Variants in SCRN3 observed in about 807,000 individuals in gnomAD.
The protein encoded by SCRN3 is secernin 3, also known as secernin-3.
Under a neutral mutation model 43.1 loss-of-function variants are expected in SCRN3, and 39 were observed. The ratio of observed to expected loss-of-function variants is 0.91; its 90% confidence interval spans 0.70 to 1.18. The LOEUF is 1.18. Ranked by LOEUF, SCRN3 falls within the 50% of genes most tolerant of loss-of-function variation. The pLI, the probability that SCRN3 is intolerant of heterozygous loss-of-function variation, is 0.00. For missense variants in SCRN3, 484 were observed against 498.0 expected (o/e 0.97, Z 0.27); for synonymous variants, 147 against 163.1 (o/e 0.90, Z 0.75).
At chr2:174,417,557 C>T (rs1574665365) in intron 5 of SCRN3, among the ~76,000 whole-genome samples, 1 of 152,180 alleles carries the variant, frequency 6.6e-6, no homozygotes, top group East Asian at 1.9e-4. Flanking sequence ...CCAAGCCCAG[C>T]TAATTTTTTG....
Position 174,424,641 on chromosome 2 carries a change from A to G in SCRN3, c.1084A>G (p.Asn362Asp). Residue 362 changes from asparagine (N) to aspartate (D), a missense_variant, in exon 7 of 8, where the codon AAT becomes GAT. By Grantham distance (23) the Asn-to-Asp change is conservative. Coordinates refer to ENST00000272732, the MANE Select transcript of SCRN3 (RefSeq NM_024583.5). ...KHQQALEVVN[N>D]NEEKAKIMLD... ...TCAACAGGCATTGGAAGTAGTAAAT[A>G]ATAATGAGGTATGCTAGATTATATT... is the stretch of plus-strand genomic sequence containing the variant. The G allele has an allele frequency of 6.2e-7, 1 of 1,608,980 alleles. No individual in the cohort carries two copies. Among genetic ancestry groups the G allele is most frequent in the South Asian group, 1.1e-5 (1 of 90,490 alleles).
chr2:174,429,986 C>T (rs2606), downstream of SCRN3, among the ~76,000 whole-genome samples: 9,708 of 152,130 alleles, frequency 0.064, 410 homozygotes, highest in Middle Eastern at 0.16. Flanking sequence ...AAGTAATATT[C>T]GATTGTCTGA....
In SCRN3 at chr2:174,422,873, T is replaced by A. The variant is rs1455965514; in HGVS notation, c.755-12T>A. On this transcript the variant is annotated splice_polypyrimidine_tract_variant and intron_variant, in intron 5 of 7. Coordinates refer to ENST00000272732, the MANE Select transcript of SCRN3 (RefSeq NM_024583.5). ...CATATGTATTTGATGATTTTAAAAA[T>A]TATTTCTCTAGGAAATATAACTTTT... The A allele has an allele frequency of 6.3e-7, 1 of 1,574,986 alleles. No individual in the cohort carries two copies. Among genetic ancestry groups the A allele is most frequent in the Admixed American group, 1.7e-5 (1 of 59,488 alleles).
At chr2:174,423,109 T>C (rs1421406631) in intron 6 of SCRN3, 62 bp downstream of exon 6, 1 of 1,351,368 alleles carries the variant, frequency 7.4e-7, no homozygotes, top group African/African-American at 1.5e-5. Flanking sequence ...GTCATTAGTA[T>C]GTTAATAATT....
At position 174,406,432 on chromosome 2, in the gene SCRN3, T is replaced by G. The variant is rs574503624; in HGVS notation, c.754+2117T>G. 2.9e-3 allele frequency among the ~76,000 whole-genome samples: 399 copies of G among 136,528 alleles called. 23 individuals are homozygous for G. The highest frequency in any genetic ancestry group is 5.7e-3 in the Non-Finnish European group (339 of 59,502). The allele number at this position is 136,528 out of a possible 152,430, so 89.6% of individuals were successfully genotyped here. A position where few individuals can be genotyped will look rare whatever the true frequency, so the allele number is the denominator to read the frequency against. On this transcript the variant is annotated intron_variant, in intron 5 of 7. Transcript: ENST00000272732. ...GGGACAATTTGACTTCCTCTTTTCCTAATTGAATACCCTTTATTTCCTTCT... is the reference window on the plus strand; with the variant it reads ...GGGACAATTTGACTTCCTCTTTTCCGAATTGAATACCCTTTATTTCCTTCT...
intron 1 of SCRN3, chr2:174,397,539 C>A: frequency 3.5e-6 from 1 of 289,374 alleles, no homozygotes; most frequent in Non-Finnish European, 5.2e-6. Context: ...AAATTTCAGT[C>A]TCATCAGAAT....
Position 174,395,818 on chromosome 2 carries a change from G to T in SCRN3, c.-10+1G>T. 4 of 1,528,738 alleles carry T rather than the reference G, an allele frequency of 2.6e-6. No homozygotes were observed. The highest frequency in any genetic ancestry group is 3.5e-6 in the Non-Finnish European group (4 of 1,135,782). 94.7% of individuals were successfully genotyped at this position (1,528,738 alleles called of 1,614,324 possible). A position where few individuals can be genotyped will look rare whatever the true frequency, so the allele number is the denominator to read the frequency against. ...TCACTTCGGGTAGCTGGGAGGCCAG[G>T]TGAGGGGCGCGCACGGGGGAGGGGC... On this transcript the variant is annotated splice_donor_variant, in intron 1 of 7. Transcript: ENST00000272732. LOFTEE classifies it low-confidence loss of function (5UTR_SPLICE).
intron 6 of SCRN3, 131 bp from the exon 7 acceptor site, chr2:174,424,344 G>A: frequency 3.0e-6 from 2 of 662,786 alleles, no homozygotes; most frequent in Admixed American, 3.0e-5. Context: ...TATAACTAAT[G>A]TGACAGGAAC....
chr2:174,426,341 A>G (rs1388560167), intron 7 of SCRN3, among the ~76,000 whole-genome samples: 1 of 152,210 alleles, frequency 6.6e-6, no homozygotes, highest in African/African-American at 2.4e-5. Context: ...CCATTTATAG[A>G]CAAAATCCAT....
At chr2:174,427,398 C>A (rs1383031486) in intron 7 of SCRN3, among the ~76,000 whole-genome samples, 1 of 152,072 alleles carries the variant, frequency 6.6e-6, no homozygotes, top group African/African-American at 2.4e-5. Flanking sequence ...TTTTCAGCAA[C>A]CTTCCACATA....
intron 5 of SCRN3, among the ~76,000 whole-genome samples, chr2:174,421,106 T>C (rs1240237447): frequency 6.6e-6 from 1 of 152,098 alleles, no homozygotes; most frequent in East Asian, 1.9e-4. Context: ...GGAACAAATA[T>C]AAAGCTGACA....
chr2:174,408,688 T>G (rs1685786289), intron 5 of SCRN3, among the ~76,000 whole-genome samples: 1 of 141,146 alleles, frequency 7.1e-6, no homozygotes, highest in Non-Finnish European at 1.6e-5. Context: ...TGCTTGTCTG[T>G]AAAGTATTTT....
rs981209161 is a variant in SCRN3 at position 174,428,555 on chromosome 2, G to T, written c.*660G>T. ...ATGTTAATAAGATATATTTTTAGAA[G>T]AGCTTGTTTGGGAGATTAGAGAATA... On this transcript the variant is annotated 3_prime_UTR_variant, in exon 8 of 8. Coordinates refer to ENST00000272732, the MANE Select transcript of SCRN3 (RefSeq NM_024583.5). 3 of 152,312 alleles carry T rather than the reference G, an allele frequency of 2.0e-5. No homozygotes were observed. The highest frequency in any genetic ancestry group is 1.3e-4 in the Admixed American group (2 of 15,274). The allele number at this position is 152,312 out of a possible 1,614,324, so 9.4% of individuals were successfully genotyped here. A position where few individuals can be genotyped will look rare whatever the true frequency, so the allele number is the denominator to read the frequency against.
intron 2 of SCRN3, among the ~76,000 whole-genome samples, chr2:174,398,992 G>A (rs1685417282): frequency 6.6e-6 from 1 of 151,958 alleles, no homozygotes; most frequent in Non-Finnish European, 1.5e-5. Flanking sequence ...CATCAAAAAA[G>A]GTTTATTAGG....
intron 6 of SCRN3, among the ~76,000 whole-genome samples, chr2:174,423,777 CTTTT>C (rs67646903): frequency 1.6e-3 from 154 of 95,828 alleles, no homozygotes; most frequent in Non-Finnish European, 2.3e-3. Context: ...CCAAGTCTTC[CTTTT>C]TTTTTTTTTT....
rs1026394898 is a variant in SCRN3 at position 174,429,015 on chromosome 2, A to G, written c.*1120A>G. On this transcript the variant is annotated 3_prime_UTR_variant, in exon 8 of 8. Coordinates refer to ENST00000272732, the MANE Select transcript of SCRN3 (RefSeq NM_024583.5). The stretch of plus-strand genomic sequence containing the variant: ...GGGTCATTATATTCAAAGAGTGCTC[A>G]GGAAGTTATGTGTTCAAAGTTCTCT... The G allele has an allele frequency of 3.3e-5, 5 of 152,242 alleles. No homozygotes were observed. The allele number at this position is 152,242 out of a possible 1,614,324, so 9.4% of individuals were successfully genotyped here.
Position 174,422,981 on chromosome 2 carries a change from C to T in SCRN3, c.851C>T (p.Ser284Phe). Residue 284 changes from serine (S) to phenylalanine (F), a missense_variant, in exon 6 of 8, where the codon TCT becomes TTT. Coordinates refer to ENST00000272732, the MANE Select transcript of SCRN3 (RefSeq NM_024583.5). ...GEFLTTASMV[S>F]ILPQDSSLPC... is the part of the protein sequence containing the mutation. ...TTCCTGACCACTGCAAGCATGGTTT[C>T]TATTTTACCTCAAGACTCCAGCCTT... 1 of 1,613,864 alleles carries T rather than the reference C, an allele frequency of 6.2e-7. No individual in the cohort carries two copies. The highest frequency in any genetic ancestry group is 1.1e-5 in the South Asian group (1 of 91,072).
At chr2:174,421,897 T>TTA in intron 5 of SCRN3, among the ~76,000 whole-genome samples, 3 of 152,006 alleles carry the variant, frequency 2.0e-5, no homozygotes, top group Non-Finnish European at 4.4e-5. Context: ...TGGTAAGTGG[T>TTA]AAAGAGTTAA....
intron 3 of SCRN3, among the ~76,000 whole-genome samples, chr2:174,400,757 A>G (rs1020680723): frequency 6.6e-6 from 1 of 152,222 alleles, no homozygotes; most frequent in Non-Finnish European, 1.5e-5. Context: ...AGATAAAGTA[A>G]CTTGACAGTG....
Sources: gnomAD v4.1 joint callset for allele counts (sites outside exome capture counted in the v4.1 genomes callset) on GRCh38, gnomAD v4.1.1 for gene constraint, MANE v1.5 for transcripts, NCBI Gene and HGNC (gene_info 2026-07-23, HGNC 2026-07-21) for gene names.